Variants in GNG12 observed in about 807,000 individuals in gnomAD.
GNG12 encodes the protein guanine nucleotide-binding protein G(I)/G(S)/G(O) subunit gamma-12.
For synonymous variants in GNG12, 28 were observed against 29.7 expected, an observed-to-expected ratio of 0.94 and a Z score of 0.19; for missense variants, 69 against 83.8, an observed-to-expected ratio of 0.82 and a Z score of 0.69.
intron 2 of GNG12, among the ~76,000 whole-genome samples, chr1:67,742,504 T>C (rs972097589): frequency 1.3e-5 from 2 of 152,152 alleles, no homozygotes; most frequent in Non-Finnish European, 2.9e-5. Context: ...GCTCAAAGCA[T>C]TCGTTCTCAC....
chr1:67,745,734 C>T (rs190571015), intron 2 of GNG12, among the ~76,000 whole-genome samples: 686 of 152,210 alleles, frequency 4.5e-3, no homozygotes, highest in Non-Finnish European at 7.7e-3. Context: ...GTTTCCAAGT[C>T]AGTGTAAAAA....
intron 1 of GNG12, among the ~76,000 whole-genome samples, chr1:67,784,480 T>A (rs991726566): frequency 6.6e-6 from 1 of 151,264 alleles, no homozygotes; most frequent in Non-Finnish European, 1.5e-5. Context: ...ATTAAAAAAA[T>A]AAAAATAAAT....
rs547672673 is a variant in GNG12 at position 67,795,193 on chromosome 1, C to T, written c.-76-17686G>A. On this transcript the variant is annotated intron_variant, in intron 1 of 3. Coordinates refer to ENST00000370982, the MANE Select transcript of GNG12 (RefSeq NM_018841.6). ...TTTGGAAACAACAAAAACTGCACTGCTTTTTAATATCCTGCAATTTTGACG... is the reference window on the plus strand; with the variant it reads ...TTTGGAAACAACAAAAACTGCACTGTTTTTTAATATCCTGCAATTTTGACG... 7.2e-5 allele frequency among the ~76,000 whole-genome samples: 11 copies of T among 152,308 alleles called. No individual in the cohort carries two copies. The South Asian group carries it at 2.1e-3, about 29-fold the overall frequency.
intron 1 of GNG12, among the ~76,000 whole-genome samples, chr1:67,791,935 C>T (rs1384206864): frequency 1.3e-5 from 2 of 152,172 alleles, no homozygotes; most frequent in Non-Finnish European, 2.9e-5. Flanking sequence ...ACACTAACCC[C>T]TCTTCTCCTT....
At chr1:67,754,099 C>G (rs902675362) in intron 2 of GNG12, among the ~76,000 whole-genome samples, 43 of 152,268 alleles carry the variant, frequency 2.8e-4, no homozygotes, top group African/African-American at 1.0e-3. Context: ...GTTGTGAGCT[C>G]CCCACCTCTG....
At chr1:67,722,979 T>C (rs955111017) in intron 2 of GNG12, among the ~76,000 whole-genome samples, 1 of 152,158 alleles carries the variant, frequency 6.6e-6, no homozygotes, top group Non-Finnish European at 1.5e-5. Flanking sequence ...AGAGTGCCTA[T>C]CTCACAGGAC....
In GNG12 at chr1:67,821,873, C is replaced by T. The variant is rs144107580; in HGVS notation, c.-77+11471G>A. Among the ~76,000 whole-genome samples the T allele has an allele frequency of 6.6e-5, 10 of 151,246 alleles. No homozygotes were observed. The East Asian group carries it at 1.8e-3, about 27-fold the overall frequency. On this transcript the variant is annotated intron_variant, in intron 1 of 3. Coordinates refer to ENST00000370982, the MANE Select transcript of GNG12 (RefSeq NM_018841.6). ...ATGACATCTGAAATCTGTTGAAATA[C>T]GGTGTTATTATCTCTGTTTTGCAAA...
At chr1:67,715,432 A>T (rs1258357217) in intron 2 of GNG12, among the ~76,000 whole-genome samples, 1 of 152,186 alleles carries the variant, frequency 6.6e-6, no homozygotes, top group Non-Finnish European at 1.5e-5. Flanking sequence ...GTCTCTGTCA[A>T]TTCAATGCGT....
chr1:67,775,433 G>A (rs1557613447), intron 2 of GNG12, among the ~76,000 whole-genome samples: 1 of 152,208 alleles, frequency 6.6e-6, no homozygotes, highest in African/African-American at 2.4e-5. Flanking sequence ...AATCATTTGG[G>A]GTGCTTTAAG....
intron 2 of GNG12, among the ~76,000 whole-genome samples, chr1:67,776,701 AAGG>A (rs1392289944): frequency 2.7e-4 from 41 of 152,194 alleles, no homozygotes; most frequent in Non-Finnish European, 2.9e-5. Flanking sequence ...TCCCAGGTGA[AAGG>A]AGAAGGATCA....
chr1:67,821,213 G>A (rs1364507393), intron 1 of GNG12, among the ~76,000 whole-genome samples: 1 of 152,162 alleles, frequency 6.6e-6, no homozygotes, highest in Non-Finnish European at 1.5e-5. Flanking sequence ...TTTGCATTAT[G>A]CAATTAAGGT....
chr1:67,775,371 A>G (rs1345248597), intron 2 of GNG12, among the ~76,000 whole-genome samples: 13 of 152,248 alleles, frequency 8.5e-5, no homozygotes, highest in Admixed American at 8.5e-4. Flanking sequence ...TCACATCAGA[A>G]TCATCAGAAT....
Position 67,748,227 on chromosome 1 carries a change from G to A in GNG12, c.-27+29231C>T, listed in dbSNP as rs376720512. Among the ~76,000 whole-genome samples the A allele has an allele frequency of 2.2e-4, 33 of 152,168 alleles. 1 individual carries two copies. Among genetic ancestry groups the A allele is most frequent in the Admixed American group, 1.1e-3 (17 of 15,284 alleles). ...CACTTTTCGAAGGAGTTTTCTGTTT[G>A]TAATATGCTTCCTTTGAAGAGTGGA... is the stretch of plus-strand genomic sequence containing the variant. On this transcript the variant is annotated intron_variant, in intron 2 of 3. Coordinates refer to ENST00000370982, the MANE Select transcript of GNG12 (RefSeq NM_018841.6).
chr1:67,733,891 C>T (rs958177290), intron 2 of GNG12, among the ~76,000 whole-genome samples: 3 of 152,166 alleles, frequency 2.0e-5, no homozygotes, highest in African/African-American at 7.2e-5. Context: ...TAAGGCCCCT[C>T]ATACAGCACC....
chr1:67,722,077 A>G (rs1646359351), intron 2 of GNG12, among the ~76,000 whole-genome samples: 1 of 152,122 alleles, frequency 6.6e-6, no homozygotes, highest in East Asian at 1.9e-4. Context: ...ATGCTTTCTA[A>G]TATTGCTAAG....
intron 1 of GNG12, among the ~76,000 whole-genome samples, chr1:67,797,645 C>A (rs1158055205): frequency 1.3e-5 from 2 of 152,206 alleles, no homozygotes; most frequent in African/African-American, 4.8e-5. Flanking sequence ...AAAATCCCAA[C>A]TTATTTCACT....
intron 2 of GNG12, among the ~76,000 whole-genome samples, chr1:67,710,326 G>A (rs1249022125): frequency 1.4e-5 from 2 of 147,304 alleles, no homozygotes; most frequent in South Asian, 2.1e-4. Context: ...CCCAGAATGC[G>A]AACATGACAC....
chr1:67,731,576 TGCAGGAAAGG>T (rs1236874168), intron 2 of GNG12, among the ~76,000 whole-genome samples: 1 of 152,176 alleles, frequency 6.6e-6, no homozygotes, highest in Non-Finnish European at 1.5e-5. Flanking sequence ...CATGAGCATG[TGCAGGAAAGG>T]GCAGGCAGTT....
chr1:67,774,963 C>T (rs547363154), intron 2 of GNG12, among the ~76,000 whole-genome samples: 1 of 152,280 alleles, frequency 6.6e-6, no homozygotes, highest in African/African-American at 2.4e-5. Context: ...TAAGGTAGCA[C>T]AGTACGTGGC....
Sources: allele counts gnomAD v4.1 joint callset (sites outside exome capture counted in the v4.1 genomes callset), GRCh38; gene constraint gnomAD v4.1.1; transcripts MANE v1.5; gene names NCBI Gene and HGNC (gene_info 2026-07-23, HGNC 2026-07-21).